Variants in METTL15 observed in about 807,000 individuals in gnomAD.
METTL15 encodes 12S rRNA N(4)-cytidine methyltransferase METTL15.
In METTL15, 34 loss-of-function variants were observed where a neutral mutation model predicts 38.3. The ratio of observed to expected loss-of-function variants is 0.89; its 90% CI spans 0.68 to 1.18. The LOEUF is 1.18. Among genes scored for constraint, METTL15 ranks in the 50% most tolerant of loss-of-function variants. The pLI is 0.00. For missense variants in METTL15, 438 were observed against 498.4 expected, an observed-to-expected ratio of 0.88 and a Z score of 1.15; for synonymous variants, 162 against 170.9, an observed-to-expected ratio of 0.95 and a Z score of 0.41.
chr11:28,128,918 G>T (rs1284803548), intron 3 of METTL15, among the ~76,000 whole-genome samples: 1 of 152,098 alleles, frequency 6.6e-6, no homozygotes, highest in South Asian at 2.1e-4. Flanking sequence ...GTATAAATTA[G>T]CCTTTGATGG....
At chr11:28,530,779 A>G (rs1227172101), downstream of METTL15, among the ~76,000 whole-genome samples, 2 of 152,104 alleles carry the variant, frequency 1.3e-5, no homozygotes, top group African/African-American at 4.8e-5. Flanking sequence ...GAAAAACTCA[A>G]AAGTTATTTT....
chr11:28,341,267 T>A (rs1018491892), intron 3 of METTL15, among the ~76,000 whole-genome samples: 5 of 152,154 alleles, frequency 3.3e-5, no homozygotes, highest in African/African-American at 1.2e-4. Context: ...CGTGTATACC[T>A]ATGTGACCTG....
chr11:28,508,004 C>A (rs554861871), intron 6 of METTL15, among the ~76,000 whole-genome samples: 2 of 152,168 alleles, frequency 1.3e-5, no homozygotes, highest in Non-Finnish European at 2.9e-5. Flanking sequence ...ATCTGAAATC[C>A]TCATCATGTC....
chr11:28,376,553 G>A (rs764255800), intron 5 of METTL15, among the ~76,000 whole-genome samples: 1 of 152,028 alleles, frequency 6.6e-6, no homozygotes. Context: ...TTGAGCCTAT[G>A]TGTGTCTCTG....
intron 6 of METTL15, among the ~76,000 whole-genome samples, chr11:28,487,730 T>C (rs1264098903): frequency 3.9e-5 from 6 of 152,286 alleles, no homozygotes; most frequent in Admixed American, 3.9e-4. Flanking sequence ...ATCCACTGCC[T>C]TATCACCATC....
chr11:28,393,263 G>A (rs535362262), intron 5 of METTL15, among the ~76,000 whole-genome samples: 2 of 152,134 alleles, frequency 1.3e-5, no homozygotes. Context: ...GTTTCAAGAG[G>A]TGGAAGTAGC....
intron 4 of METTL15, among the ~76,000 whole-genome samples, chr11:28,279,090 G>A (rs1855950884): frequency 6.6e-6 from 1 of 152,192 alleles, no homozygotes; most frequent in African/African-American, 2.4e-5. Context: ...GCCTCCCAAA[G>A]TGCTGGCATT....
chr11:28,221,011 A>G (rs983492076), intron 4 of METTL15, among the ~76,000 whole-genome samples: 1 of 151,674 alleles, frequency 6.6e-6, no homozygotes. Context: ...CTTCATTTCA[A>G]CTTTGGTGAA....
intron 3 of METTL15, among the ~76,000 whole-genome samples, chr11:28,114,745 C>T (rs1056557756): frequency 6.6e-6 from 1 of 152,158 alleles, no homozygotes; most frequent in Admixed American, 6.5e-5. Context: ...GCCACCATGC[C>T]CGGCCTTGTA....
intron 5 of METTL15, among the ~76,000 whole-genome samples, chr11:28,378,857 T>A (rs1850351697): frequency 1.3e-5 from 2 of 150,338 alleles, no homozygotes; most frequent in South Asian, 4.2e-4. Flanking sequence ...GTCCTGGGCT[T>A]TTCTTTAATA....
chr11:28,417,770 T>A (rs1345884237), intron 5 of METTL15, among the ~76,000 whole-genome samples: 1 of 152,148 alleles, frequency 6.6e-6, no homozygotes, highest in Non-Finnish European at 1.5e-5. Flanking sequence ...TGGCTGAGGA[T>A]TAAAATTGGA....
chr11:28,256,707 T>C (rs1170730821), intron 4 of METTL15, among the ~76,000 whole-genome samples: 2 of 152,108 alleles, frequency 1.3e-5, no homozygotes, highest in Non-Finnish European at 2.9e-5. Context: ...CATTTATTCC[T>C]AGTCTAATCT....
chr11:28,458,128 C>T (rs1357558015), intron 6 of METTL15, among the ~76,000 whole-genome samples: 3 of 152,154 alleles, frequency 2.0e-5, no homozygotes, highest in Admixed American at 6.5e-5. Flanking sequence ...GTCTGATATT[C>T]TCTGGTAGCC....
intron 3 of METTL15, among the ~76,000 whole-genome samples, chr11:28,156,091 A>G (rs1031312906): frequency 2.6e-5 from 4 of 152,134 alleles, no homozygotes; most frequent in African/African-American, 9.7e-5. Flanking sequence ...GTATGTTCCC[A>G]TGTGTGTCTA....
At chr11:28,373,004 T>G (rs999052751) in intron 5 of METTL15, among the ~76,000 whole-genome samples, 4 of 151,994 alleles carry the variant, frequency 2.6e-5, no homozygotes, top group Non-Finnish European at 4.4e-5. Flanking sequence ...CACATTTTCT[T>G]AATCCAGTCT....
intron 4 of METTL15, among the ~76,000 whole-genome samples, chr11:28,253,595 T>C (rs1486515034): frequency 2.7e-5 from 4 of 148,708 alleles, no homozygotes; most frequent in Non-Finnish European, 6.0e-5. Context: ...CATCCCCTCA[T>C]GGCCCCAACC....
intron 5 of METTL15, among the ~76,000 whole-genome samples, chr11:28,405,173 G>T (rs540819783): frequency 3.3e-5 from 5 of 152,144 alleles, no homozygotes; most frequent in East Asian, 3.9e-4. Context: ...CTAACTCCTG[G>T]TCTAGGACTT....
intron 5 of METTL15, among the ~76,000 whole-genome samples, chr11:28,423,040 G>A (rs1564927092): frequency 2.0e-5 from 3 of 151,910 alleles, no homozygotes; most frequent in African/African-American, 7.2e-5. Flanking sequence ...ATGGGCAGAA[G>A]ATATGAATAG....
chr11:28,274,264 C>CT (rs1456208427), intron 4 of METTL15, among the ~76,000 whole-genome samples: 2 of 151,912 alleles, frequency 1.3e-5, no homozygotes, highest in African/African-American at 2.4e-5. Flanking sequence ...TTTTAATGAA[C>CT]TTTTTTCAGA....
Sources: gnomAD v4.1 joint callset for allele counts (sites outside exome capture counted in the v4.1 genomes callset) on GRCh38, gnomAD v4.1.1 for gene constraint, MANE v1.5 for transcripts, NCBI Gene and HGNC (gene_info 2026-07-23, HGNC 2026-07-21) for gene names.